APC: variants seen among roughly 807,000 people sequenced by gnomAD.
APC encodes APC regulator of Wnt signaling pathway, also known as adenomatous polyposis coli protein.
In APC, 72 loss-of-function variants were observed where a neutral mutation model predicts 247.0. The observed-to-expected ratio is 0.29, with a 90% confidence interval of 0.24 to 0.35. The LOEUF (loss-of-function observed/expected upper bound fraction) is 0.35, where lower values mean the gene tolerates loss of function less well. Ranked by LOEUF, APC falls within the 10% of genes least tolerant of loss-of-function variation. The pLI is 1.00. For synonymous variants in APC, 1,254 were observed against 1,162.5 expected (o/e 1.08, Z -1.60); for missense variants, 3,400 against 3,360.7 (o/e 1.01, Z -0.29).
At chr5:112,713,975 CTG>C (rs1210819829) in intron 1 of APC, among the ~76,000 whole-genome samples, 1 of 152,172 alleles carries the variant, frequency 6.6e-6, no homozygotes, top group Non-Finnish European at 1.5e-5. Context: ...AAGATTTTGA[CTG>C]AACATTTAAA....
intron 8 of APC, among the ~76,000 whole-genome samples, chr5:112,806,612 T>C (rs1351153245): frequency 6.6e-6 from 1 of 151,968 alleles, no homozygotes; most frequent in Non-Finnish European, 1.5e-5. Flanking sequence ...GGTCTCACTC[T>C]GTCACTGTAC....
At chr5:112,794,162 G>A (rs778409370) in intron 7 of APC, among the ~76,000 whole-genome samples, 6 of 151,894 alleles carry the variant, frequency 4.0e-5, no homozygotes, top group Non-Finnish European at 7.4e-5. Flanking sequence ...GCGCAATCTC[G>A]GCTCACTGCA....
chr5:112,769,991 C>T (rs1220973925), intron 4 of APC, among the ~76,000 whole-genome samples: 1 of 136,652 alleles, frequency 7.3e-6, no homozygotes, highest in Non-Finnish European at 1.7e-5. Flanking sequence ...CTCTTTTTCC[C>T]CTTTGAGCTC....
intron 2 of APC, among the ~76,000 whole-genome samples, chr5:112,759,503 G>A (rs983918546): frequency 2.6e-5 from 4 of 151,472 alleles, no homozygotes; most frequent in Middle Eastern, 3.4e-3. Context: ...GACTACAGGC[G>A]TGCACCACCA....
chr5:112,827,947 A>G lies in APC; in HGVS notation c.1567A>G (p.Lys523Glu), dbSNP rs1763872744. 1 of 1,613,232 alleles carries G rather than the reference A, an allele frequency of 6.2e-7. No homozygotes were observed. Among genetic ancestry groups the G allele is most frequent in the Non-Finnish European group, 8.5e-7 (1 of 1,179,704 alleles). Residue 523 changes from lysine to glutamate, a missense_variant, in exon 13 of 16, where the codon AAA (lysine) becomes GAA (glutamate). Transcript: ENST00000257430. The stretch of plus-strand genomic sequence containing the variant: ...TTTACAGGCTACGCTATGCTCTATG[A>G]AAGGCTGCATGAGAGCACTTGTGGC... ...VANKATLCSM[K>E]GCMRALVAQL...
At chr5:112,711,657 G>T (rs909177734) in intron 1 of APC, among the ~76,000 whole-genome samples, 2 of 152,134 alleles carry the variant, frequency 1.3e-5, no homozygotes, top group African/African-American at 4.8e-5. Context: ...GGAGTTCAAG[G>T]CTGCAGTGAG....
Position 112,835,067 on chromosome 5 carries a change from T to C in APC, c.1860T>C (p.Leu620=), listed in dbSNP as rs749754970. The change falls in exon 15 of 16, where the codon CTT becomes CTC. Residue 620 remains leucine (L), a synonymous_variant. Transcript: ENST00000257430. ...CACTTGCATTTTTGGTTGGCACTCTTACTTACCGGAGCCAGACAAACACTT... is the reference window on the plus strand; with the variant it reads ...CACTTGCATTTTTGGTTGGCACTCTCACTTACCGGAGCCAGACAAACACTT... ...DGALAFLVGT[L]TYRSQTNTLA... is the part of the protein sequence containing the mutation. 2.5e-6 allele frequency: 4 copies of C among 1,614,188 alleles called. No homozygotes were observed. The South Asian group carries it at 4.4e-5, about 18-fold the overall frequency.
In APC at chr5:112,726,033, C is replaced by T. The variant is rs572784818; in HGVS notation, c.165+18151C>T. Among the ~76,000 whole-genome samples, 5 of 152,254 alleles carry T rather than the reference C, an allele frequency of 3.3e-5. 1 individual carries two copies. The highest frequency in any genetic ancestry group is 3.3e-4 in the Admixed American group (5 of 15,304). On this transcript the variant is annotated intron_variant, in intron 1 of 13. Coordinates refer to the APC transcript ENST00000507379. ...TCATCTGTTCAGGCCACCGTCCATGCTCAAACCCCTTATGGGAGGGGGAGC... is the reference window on the plus strand; with the variant it reads ...TCATCTGTTCAGGCCACCGTCCATGTTCAAACCCCTTATGGGAGGGGGAGC...
chr5:112,733,571 A>G (rs1230303351), upstream of APC, among the ~76,000 whole-genome samples: 1 of 152,186 alleles, frequency 6.6e-6, no homozygotes, highest in Non-Finnish European at 1.5e-5. Context: ...GCCAGAAAGG[A>G]TAAGGAAACA....
rs1356210683 is a variant in APC at position 112,837,972 on chromosome 5, A to C, written c.2378A>C (p.Gln793Pro). 1 of 1,614,178 alleles carries C rather than the reference A, an allele frequency of 6.2e-7. No individual in the cohort carries two copies. The highest frequency in any genetic ancestry group is 1.1e-5 in the South Asian group (1 of 91,088). The part of the protein sequence containing the change: ...ASHRSKQRHK[Q>P]SLYGDYVFDT... Reference sequence around the variant, plus strand: ...CATCGTAGTAAGCAGAGACACAAGCAAAGTCTCTATGGTGATTATGTTTTT... The same window carrying C: ...CATCGTAGTAAGCAGAGACACAAGCCAAGTCTCTATGGTGATTATGTTTTT... The change falls in exon 16 of 16, where the codon CAA (glutamine) becomes CCA (proline). Residue 793 changes from glutamine to proline, a missense_variant. Transcript: ENST00000257430.
At position 112,780,844 on chromosome 5, in the gene APC, A is replaced by G. The variant is rs1580379926; in HGVS notation, c.586A>G (p.Ile196Val). ...GCAATTGGAATATGAAGCAAGGCAA[A>G]TCAGAGTTGCGATGGAAGAACAACT... ...RRQLEYEARQIRVAMEEQLGT... is the reference protein window; with the variant it reads ...RRQLEYEARQVRVAMEEQLGT... Residue 196 changes from isoleucine to valine, a missense_variant, in exon 6 of 16, where the codon ATC (isoleucine) becomes GTC (valine). Physicochemically the swap from Ile to Val is conservative, Grantham distance 29 (BLOSUM62 3). Around this residue, in one of 9 missense-constraint regions of APC, gnomAD observed 372 missense variants for 367.6 expected, o/e 1.01. Coordinates refer to ENST00000257430, the MANE Select transcript of APC (RefSeq NM_000038.6). 1 of 1,613,666 alleles carries G rather than the reference A, an allele frequency of 6.2e-7. No homozygotes were observed. Among genetic ancestry groups the G allele is most frequent in the Non-Finnish European group, 8.5e-7 (1 of 1,179,674 alleles).
At chr5:112,807,091 C>T (rs1377468441) in intron 8 of APC, among the ~76,000 whole-genome samples, 3 of 151,232 alleles carry the variant, frequency 2.0e-5, no homozygotes, top group Admixed American at 6.6e-5. Flanking sequence ...TGAGATTGTA[C>T]CACTGCACTC....
intron 1 of APC, among the ~76,000 whole-genome samples, chr5:112,726,887 A>G (rs1408391161): frequency 1.1e-4 from 17 of 152,150 alleles, no homozygotes; most frequent in Admixed American, 1.1e-3. Flanking sequence ...ATCTATTTTG[A>G]AAAAGGGAAT....
chr5:112,708,983 C>G (rs541445361), intron 1 of APC, among the ~76,000 whole-genome samples: 1 of 152,244 alleles, frequency 6.6e-6, no homozygotes, highest in African/African-American at 2.4e-5. Context: ...GTTGCCATGG[C>G]TAATTTTTCC....
At chr5:112,806,420 T>A (rs2149728695) in intron 8 of APC, among the ~76,000 whole-genome samples, 1 of 152,148 alleles carries the variant, frequency 6.6e-6, no homozygotes, top group East Asian at 1.9e-4. Context: ...AAAGAAAGGG[T>A]TTCTTGATCT....
In APC at chr5:112,841,175, T is replaced by C. The variant is rs1765984415; in HGVS notation, c.5581T>C (p.Ser1861Pro). 6.2e-7 allele frequency: 1 copy of C among 1,613,832 alleles called. No homozygotes were observed. Among genetic ancestry groups the C allele is most frequent in the South Asian group, 1.1e-5 (1 of 91,076 alleles). Residue 1861 changes from serine to proline, a missense_variant, in exon 16 of 16, where the codon TCT becomes CCT. Around this residue, in one of 9 missense-constraint regions of APC, gnomAD observed 1,788 missense variants for 1,649.5 expected, o/e 1.08. Coordinates refer to ENST00000257430, the MANE Select transcript of APC (RefSeq NM_000038.6). This position sits in a 1 kb window ranked among gnomAD's most constrained non-coding sequence, Gnocchi z 4.6. The part of the protein sequence containing the change: ...GTPYCFSRND[S>P]LSSLDFDDDD... ...TCCTTACTGTTTTTCACGAAATGAT[T>C]CTTTGAGTTCTCTAGATTTTGATGA...
chr5:112,822,301 A>G (rs898859671), intron 11 of APC, among the ~76,000 whole-genome samples: 10 of 152,174 alleles, frequency 6.6e-5, no homozygotes, highest in East Asian at 1.9e-4. Context: ...TAGACTCTAT[A>G]TGTGCCAGCT....
chr5:112,841,239 G>C lies in APC; in HGVS notation c.5645G>C (p.Arg1882Thr), dbSNP rs34157245. ...VDLSREKAEL[R>T]KAKENKESEA... ...CTTTCCAGGGAAAAGGCTGAATTAA[G>C]AAAGGCAAAAGAAAATAAGGAATCA... The change falls in exon 16 of 16, where the codon AGA becomes ACA. Residue 1882 changes from arginine (R) to threonine (T), a missense_variant. Coordinates refer to ENST00000257430, the MANE Select transcript of APC (RefSeq NM_000038.6). The surrounding 1 kb of genome is among the most constrained non-coding windows in gnomAD (Gnocchi z 4.6). 6.2e-7 allele frequency: 1 copy of C among 1,613,768 alleles called. No individual in the cohort carries two copies. Among genetic ancestry groups the C allele is most frequent in the African/African-American group, 1.3e-5 (1 of 74,978 alleles).
chr5:112,828,606 C>T (rs1401261099), intron 13 of APC, among the ~76,000 whole-genome samples: 2 of 151,910 alleles, frequency 1.3e-5, no homozygotes, highest in Non-Finnish European at 2.9e-5. Context: ...TGCCACCATG[C>T]CCAGCTAATT....
Sources: allele counts gnomAD v4.1 joint callset (sites outside exome capture counted in the v4.1 genomes callset), GRCh38; gene constraint gnomAD v4.1.1; regional missense constraint gnomAD v4.1.1; non-coding constraint Gnocchi (gnomAD v3.1); transcripts MANE v1.5; gene names NCBI Gene and HGNC (gene_info 2026-07-23, HGNC 2026-07-21).